The following LNPEP variants were observed in gnomAD, a reference collection of about 807,000 sequenced individuals.
LNPEP encodes the protein leucyl and cystinyl aminopeptidase.
In LNPEP, 64 loss-of-function variants were observed where a neutral mutation model predicts 120.6. That is an observed-to-expected ratio of 0.53 (90% confidence interval 0.43 to 0.65). The LOEUF (loss-of-function observed/expected upper bound fraction) is 0.65. LNPEP is among the 30% of genes least tolerant of loss of function. The probability of loss-of-function intolerance (pLI) is 0.00; values close to 1 mark genes in which losing one functional copy is unlikely to be tolerated. For missense variants in LNPEP, 1,057 were observed against 1,200.0 expected (o/e 0.88, Z 1.76); for synonymous variants, 435 against 425.4 (o/e 1.02, Z -0.28).
At chr5:97,008,334 C>CTTT (rs1561450377) in intron 11 of LNPEP, among the ~76,000 whole-genome samples, 4 of 48,656 alleles carry the variant, frequency 8.2e-5, no homozygotes, top group African/African-American at 3.3e-4. Context: ...TTTGTTTTTT[C>CTTT]TTGTTTTTTT....
chr5:96,945,575 T>G (rs1789169116), intron 1 of LNPEP, among the ~76,000 whole-genome samples: 1 of 152,104 alleles, frequency 6.6e-6, no homozygotes, highest in Admixed American at 6.6e-5. Flanking sequence ...TATACTAGAG[T>G]CAGTTTAGAA....
At position 97,003,502 on chromosome 5, in the gene LNPEP, T is replaced by G; in HGVS notation, c.1741T>G (p.Tyr581Asp). ...AVVLYLHNHS[Y>D]ASIQSDDLWD... Reference sequence around the variant, plus strand: ...TGTCCTTTACCTGCATAATCACAGCTATGCATCTATTCAAAGTGATGATCT... The same window carrying G: ...TGTCCTTTACCTGCATAATCACAGCGATGCATCTATTCAAAGTGATGATCT... The change falls in exon 9 of 18, where the codon TAT becomes GAT. Residue 581 changes from tyrosine to aspartate, a missense_variant. Transcript: ENST00000231368. 1 of 1,608,808 alleles carries G rather than the reference T, an allele frequency of 6.2e-7. No homozygotes were observed. Among genetic ancestry groups the G allele is most frequent in the Non-Finnish European group, 8.5e-7 (1 of 1,176,556 alleles).
intron 13 of LNPEP, among the ~76,000 whole-genome samples, chr5:97,017,060 A>C (rs558854671): frequency 2.6e-5 from 4 of 152,200 alleles, no homozygotes; most frequent in Non-Finnish European, 5.9e-5. Context: ...TGTACTATCA[A>C]ATAGTTCTTC....
At chr5:96,958,628 A>G in intron 1 of LNPEP, 2 of 339,028 alleles carry the variant, frequency 5.9e-6, no homozygotes, top group Non-Finnish European at 8.4e-6. Context: ...TACGGATCTC[A>G]TTGGGCTAAA....
rs144235120 is a variant in LNPEP at position 97,022,472 on chromosome 5, A to G, written c.2549A>G (p.Asn850Ser). Residue 850 changes from asparagine to serine, a missense_variant, in exon 14 of 18, where the codon AAT becomes AGT. Transcript: ENST00000231368. Reference sequence around the variant, plus strand: ...CTGTTTGATGACTGGATGGCATCCAATGGAACTCAAAGGTGAAGTATACCT... The same window carrying G: ...CTGTTTGATGACTGGATGGCATCCAGTGGAACTCAAAGGTGAAGTATACCT... ...MKLFDDWMASNGTQSLPTDVM... is the reference protein window; with the variant it reads ...MKLFDDWMASSGTQSLPTDVM... The G allele has an allele frequency of 3.5e-5, 56 of 1,613,364 alleles. No homozygotes were observed. Among genetic ancestry groups the G allele is most frequent in the African/African-American group, 1.9e-4 (14 of 75,008 alleles).
intron 1 of LNPEP, among the ~76,000 whole-genome samples, chr5:96,958,256 AT>A (rs1299606844): frequency 6.6e-6 from 1 of 152,158 alleles, no homozygotes; most frequent in African/African-American, 2.4e-5. Context: ...TAGACTTTCA[AT>A]TTTTTTCCCC....
chr5:97,006,186 G>A lies in LNPEP; in HGVS notation c.1899G>A (p.Glu633=). 6.2e-7 allele frequency: 1 copy of A among 1,605,656 alleles called. No homozygotes were observed. Among genetic ancestry groups the A allele is most frequent in the Non-Finnish European group, 8.5e-7 (1 of 1,176,526 alleles). ...GAAAGGAACTTTTTATACAACAAGA[G>A]AGATTCTTTTTAAATATGAAGCCTG... ...KKGKELFIQQ[E]RFFLNMKPEI... is the part of the protein sequence containing the mutation. Residue 633 remains glutamate, a synonymous_variant, in exon 10 of 18, where the codon GAG becomes GAA. Coordinates refer to ENST00000231368, the MANE Select transcript of LNPEP (RefSeq NM_005575.3).
chr5:96,970,809 T>G (rs986287892), intron 1 of LNPEP, among the ~76,000 whole-genome samples: 1 of 152,092 alleles, frequency 6.6e-6, no homozygotes, highest in East Asian at 1.9e-4. Context: ...TTAATTTCTC[T>G]TACTCAACTT....
intron 1 of LNPEP, among the ~76,000 whole-genome samples, chr5:96,944,544 G>T (rs74393176): frequency 0.45 from 50,322 of 112,650 alleles, 9,909 homozygotes; most frequent in Non-Finnish European, 0.48. Context: ...TTTCTTTTTT[G>T]TTTTTCTTAT....
rs770679322 is a variant in LNPEP, at chr5:97,028,429, G to C, written c.2974G>C (p.Glu992Gln). Residue 992 changes from glutamate to glutamine, a missense_variant, in exon 18 of 18, where the codon GAG (glutamate) becomes CAG (glutamine). Coordinates refer to ENST00000231368, the MANE Select transcript of LNPEP (RefSeq NM_005575.3). ...TCAGGCATTCTTTGAAAATCAGTCA[G>C]AGGCAACCTTCCGGCTTCGTTGTGT... ...EVQAFFENQS[E>Q]ATFRLRCVQE... is the part of the protein sequence containing the mutation. The C allele has an allele frequency of 6.2e-7, 1 of 1,613,956 alleles. No homozygotes were observed. Among genetic ancestry groups the C allele is most frequent in the South Asian group, 1.1e-5 (1 of 91,074 alleles).
At chr5:96,947,463 A>G (rs1293781299) in intron 1 of LNPEP, among the ~76,000 whole-genome samples, 1 of 152,208 alleles carries the variant, frequency 6.6e-6, no homozygotes, top group Non-Finnish European at 1.5e-5. Flanking sequence ...GCATGGTCAT[A>G]TGATTAATAC....
chr5:97,012,121 T>A (rs1055588014), intron 11 of LNPEP, among the ~76,000 whole-genome samples: 2 of 152,206 alleles, frequency 1.3e-5, no homozygotes, highest in African/African-American at 4.8e-5. Flanking sequence ...CAGCCTAAAT[T>A]GTTCAAAATA....
At chr5:97,009,969 T>A (rs1790885684) in intron 11 of LNPEP, among the ~76,000 whole-genome samples, 1 of 152,218 alleles carries the variant, frequency 6.6e-6, no homozygotes, top group South Asian at 2.1e-4. Flanking sequence ...TTTCTTTTTT[T>A]AAATATATTT....
intron 2 of LNPEP, among the ~76,000 whole-genome samples, chr5:96,983,512 C>G (rs770512701): frequency 9.9e-5 from 15 of 152,124 alleles, no homozygotes; most frequent in Non-Finnish European, 1.6e-4. Context: ...GTGGTGCAAT[C>G]TTGGCTGACT....
At chr5:97,014,913 A>G in intron 12 of LNPEP, 26 bp from the exon 13 acceptor site, 1 of 1,475,584 alleles carries the variant, frequency 6.8e-7, no homozygotes, top group South Asian at 1.5e-5. Context: ...CTGCATATTT[A>G]CTTTTCCTGT....
At chr5:96,993,496 T>C (rs964749277) in intron 5 of LNPEP, among the ~76,000 whole-genome samples, 3 of 152,216 alleles carry the variant, frequency 2.0e-5, no homozygotes, top group Admixed American at 1.3e-4. Context: ...CTGTTCAACA[T>C]GGAGCTAGTC....
intron 1 of LNPEP, among the ~76,000 whole-genome samples, chr5:96,955,028 T>C (rs1351366248): frequency 1.3e-5 from 2 of 149,764 alleles, no homozygotes; most frequent in African/African-American, 4.9e-5. Context: ...GTGATCCGCC[T>C]GCCTCGGCCT....
At chr5:97,021,789 C>T (rs1163259872) in intron 13 of LNPEP, among the ~76,000 whole-genome samples, 5 of 151,290 alleles carry the variant, frequency 3.3e-5, no homozygotes, top group Non-Finnish European at 4.4e-5. Context: ...ATGGTTTCAT[C>T]CCAGCCGTAT....
rs779477054 is a variant in LNPEP at position 96,977,353 on chromosome 5, A to G, written c.20-1785A>G. On this transcript the variant is annotated intron_variant, in intron 1 of 17. Transcript: ENST00000231368. ...TGATGACACTGCAAGCAGAGGGAAG[A>G]GAAAAGAAAAAGAGACATGTGGAGG... Among the ~76,000 whole-genome samples, 55 of 151,976 alleles carry G rather than the reference A, an allele frequency of 3.6e-4. 1 individual carries two copies. The highest frequency in any genetic ancestry group is 4.6e-4 in the Admixed American group (7 of 15,250).
Sources: gnomAD v4.1 joint callset for allele counts (sites outside exome capture counted in the v4.1 genomes callset) on GRCh38, gnomAD v4.1.1 for gene constraint, MANE v1.5 for transcripts, NCBI Gene and HGNC (gene_info 2026-07-23, HGNC 2026-07-21) for gene names.